Variants in HS3ST5 observed in about 807,000 individuals in gnomAD.
HS3ST5 encodes heparan sulfate-glucosamine 3-sulfotransferase 5, also known as heparan sulfate glucosamine 3-O-sulfotransferase 5.
Under a neutral mutation model 25.4 loss-of-function variants are expected in HS3ST5, and 10 were observed. The ratio of observed to expected loss-of-function variants is 0.39; its 90% confidence interval spans 0.24 to 0.67. The LOEUF is 0.67. Among genes scored for constraint, HS3ST5 ranks in the 30% least tolerant of loss-of-function variants. The pLI is 0.44. For missense variants in HS3ST5, 324 were observed against 420.7 expected, an observed-to-expected ratio of 0.77 and a Z score of 2.01; for synonymous variants, 170 against 162.4, an observed-to-expected ratio of 1.05 and a Z score of -0.36.
intron 2 of HS3ST5, among the ~76,000 whole-genome samples, chr6:114,215,478 T>C (rs1296195684): frequency 6.6e-6 from 1 of 152,094 alleles, no homozygotes; most frequent in African/African-American, 2.4e-5. Flanking sequence ...TCACCTACCC[T>C]TTTATATCCC....
intron 1 of HS3ST5, among the ~76,000 whole-genome samples, chr6:114,319,985 C>A (rs979732275): frequency 6.6e-6 from 1 of 151,776 alleles, no homozygotes; most frequent in Non-Finnish European, 1.5e-5. Flanking sequence ...GCATCCTTTT[C>A]TTTTGTAATC....
chr6:114,069,321 T>G (rs1346264574), intron 3 of HS3ST5, among the ~76,000 whole-genome samples: 1 of 152,080 alleles, frequency 6.6e-6, no homozygotes, highest in Non-Finnish European at 1.5e-5. Context: ...GTTCATATGA[T>G]ACAACAAACC....
At chr6:114,089,525 A>G (rs2280358) in intron 3 of HS3ST5, among the ~76,000 whole-genome samples, 23,177 of 152,152 alleles carry the variant, frequency 0.15, 2,388 homozygotes, top group East Asian at 0.35. Flanking sequence ...TATGTATTCT[A>G]TATCATCAAA....
chr6:114,321,645 T>C (rs1775976577), intron 1 of HS3ST5, among the ~76,000 whole-genome samples: 1 of 152,164 alleles, frequency 6.6e-6, no homozygotes, highest in African/African-American at 2.4e-5. Context: ...TTTTTTTCAC[T>C]TACCCACATA....
chr6:114,139,395 CAA>C, intron 3 of HS3ST5, among the ~76,000 whole-genome samples: 1 of 138,118 alleles, frequency 7.2e-6, no homozygotes, highest in African/African-American at 2.7e-5. Context: ...GACAAAAGTT[CAA>C]AAAAAAAAAA....
chr6:114,280,748 G>A (rs1774070398), intron 1 of HS3ST5, among the ~76,000 whole-genome samples: 1 of 151,978 alleles, frequency 6.6e-6, no homozygotes, highest in Admixed American at 6.6e-5. Flanking sequence ...CAATTTGTAT[G>A]CCTTTGAAGG....
intron 2 of HS3ST5, among the ~76,000 whole-genome samples, chr6:114,169,180 A>C (rs1779353883): frequency 2.0e-5 from 3 of 152,172 alleles, no homozygotes; most frequent in Admixed American, 2.0e-4. Context: ...CTAATACATC[A>C]TTTCACTAAT....
intron 2 of HS3ST5, chr6:114,178,981 G>A (rs1779845081): frequency 6.6e-6 from 1 of 152,030 alleles, no homozygotes. Context: ...TATGTGACAA[G>A]CTATTTGACA....
At chr6:114,262,033 G>C (rs921014397) in intron 1 of HS3ST5, among the ~76,000 whole-genome samples, 17 of 152,144 alleles carry the variant, frequency 1.1e-4, no homozygotes, top group African/African-American at 3.9e-4. Context: ...TTCATTAAGT[G>C]AGGTTCGTGC....
At chr6:114,131,362 A>G (rs1777322800) in intron 3 of HS3ST5, 1 of 152,248 alleles carries the variant, frequency 6.6e-6, no homozygotes, top group Non-Finnish European at 1.5e-5. Flanking sequence ...TTAAAATGTT[A>G]TAAAAGTAAA....
At chr6:114,174,979 G>A (rs1179722968) in intron 2 of HS3ST5, among the ~76,000 whole-genome samples, 3 of 152,034 alleles carry the variant, frequency 2.0e-5, no homozygotes, top group Non-Finnish European at 4.4e-5. Context: ...GTGACAGAGC[G>A]AGACTGTCAA....
intron 1 of HS3ST5, among the ~76,000 whole-genome samples, chr6:114,315,621 T>C (rs528270840): frequency 2.6e-5 from 4 of 152,336 alleles, no homozygotes; most frequent in Admixed American, 1.3e-4. Flanking sequence ...TTTTGTGACT[T>C]AGAGATGCAC....
chr6:114,118,303 C>T (rs575939767), intron 3 of HS3ST5, among the ~76,000 whole-genome samples: 4 of 152,130 alleles, frequency 2.6e-5, no homozygotes, highest in Admixed American at 2.6e-4. Flanking sequence ...AAAAAAATGG[C>T]ATATAGAAAG....
intron 1 of HS3ST5, among the ~76,000 whole-genome samples, chr6:114,332,919 C>G (rs1354876276): frequency 6.6e-6 from 1 of 152,090 alleles, no homozygotes; most frequent in Admixed American, 6.5e-5. Flanking sequence ...TTGTAAGGAC[C>G]TTGCAGAGGA....
intron 1 of HS3ST5, among the ~76,000 whole-genome samples, chr6:114,298,405 G>T (rs1774920225): frequency 6.6e-6 from 1 of 152,042 alleles, no homozygotes; most frequent in Non-Finnish European, 1.5e-5. Flanking sequence ...AACACTTAAG[G>T]GCACTTATTA....
chr6:114,271,071 C>T (rs1365986746), intron 1 of HS3ST5, among the ~76,000 whole-genome samples: 1 of 151,990 alleles, frequency 6.6e-6, no homozygotes, highest in Admixed American at 6.6e-5. Context: ...TAAAGTAACA[C>T]AGAGACATGA....
At chr6:114,086,026 A>G (rs1042050833) in intron 3 of HS3ST5, among the ~76,000 whole-genome samples, 1 of 129,860 alleles carries the variant, frequency 7.7e-6, no homozygotes, top group Non-Finnish European at 1.6e-5. Context: ...TTTTTGTTTC[A>G]TTTTTAGCAA....
chr6:114,120,009 G>A (rs905494001), intron 3 of HS3ST5, among the ~76,000 whole-genome samples: 2 of 152,168 alleles, frequency 1.3e-5, no homozygotes, highest in Non-Finnish European at 2.9e-5. Context: ...CCCAGGTGTG[G>A]TGACATGTGC....
intron 1 of HS3ST5, among the ~76,000 whole-genome samples, chr6:114,254,703 G>A (rs1772822678): frequency 6.6e-6 from 1 of 152,108 alleles, no homozygotes; most frequent in East Asian, 1.9e-4. Flanking sequence ...TGTCTTACAT[G>A]GCAATGGGCA....
Sources: allele counts gnomAD v4.1 joint callset (sites outside exome capture counted in the v4.1 genomes callset), GRCh38; gene constraint gnomAD v4.1.1; transcripts MANE v1.5; gene names NCBI Gene and HGNC (gene_info 2026-07-23, HGNC 2026-07-21).